NRXN1: variants seen among roughly 807,000 people sequenced by gnomAD.
NRXN1 encodes neurexin-1.
A neutral mutation model predicts 150.9 loss-of-function variants in NRXN1; 39 were observed. The observed-to-expected ratio is 0.26, with a 90% confidence interval of 0.20 to 0.34. The LOEUF (loss-of-function observed/expected upper bound fraction) is 0.34. NRXN1 is among the 10% of genes least tolerant of loss of function. The probability of loss-of-function intolerance (pLI) is 1.00; values close to 1 mark genes in which losing one functional copy is unlikely to be tolerated. For synonymous variants in NRXN1, 924 were observed against 757.0 expected (o/e 1.22, Z -3.62); for missense variants, 1,815 against 1,949.9 (o/e 0.93, Z 1.30).
chr2:50,258,019 C>A (rs1269705443), intron 17 of NRXN1, among the ~76,000 whole-genome samples: 1 of 151,862 alleles, frequency 6.6e-6, no homozygotes, highest in African/African-American at 2.4e-5. Context: ...TACTTTATTG[C>A]TAAATCATCT....
At chr2:50,254,891 C>T (rs763466318) in intron 17 of NRXN1, among the ~76,000 whole-genome samples, 3 of 152,000 alleles carry the variant, frequency 2.0e-5, no homozygotes, top group Admixed American at 6.6e-5. Flanking sequence ...ACTGCAGGCT[C>T]GACCTCCTGA....
At chr2:50,651,439 C>G (rs542547805) in intron 5 of NRXN1, among the ~76,000 whole-genome samples, 41 of 151,796 alleles carry the variant, frequency 2.7e-4, no homozygotes, top group African/African-American at 8.7e-4. Flanking sequence ...ATAGTGAGAC[C>G]TCATCTCTAC....
rs111300624 is a variant in NRXN1 at position 50,368,838 on chromosome 2, G to A, written c.3364+96604C>T. On this transcript the variant is annotated intron_variant, in intron 17 of 22. Transcript: ENST00000401669. ...AGTGGAGTTTCCAGAAAGCAAACGA[G>A]TGGGGGTTTGGAACTAACCTACATT... Among the ~76,000 whole-genome samples the A allele has an allele frequency of 6.6e-4, 100 of 152,114 alleles. 2 individuals are homozygous for A. Among genetic ancestry groups the A allele is most frequent in the African/African-American group, 2.1e-3 (88 of 41,540 alleles).
intron 5 of NRXN1, among the ~76,000 whole-genome samples, chr2:50,650,339 C>T (rs1239505398): frequency 6.6e-6 from 1 of 152,054 alleles, no homozygotes; most frequent in East Asian, 1.9e-4. Flanking sequence ...GATAACACAG[C>T]ACATTGTTTC....
chr2:50,167,164 T>C (rs574914393), intron 18 of NRXN1, among the ~76,000 whole-genome samples: 21 of 152,252 alleles, frequency 1.4e-4, no homozygotes, highest in Admixed American at 2.6e-4. Flanking sequence ...AAAAGAACAC[T>C]GATGAGGAAC....
intron 19 of NRXN1, among the ~76,000 whole-genome samples, chr2:50,067,511 T>C (rs941137534): frequency 2.0e-5 from 3 of 152,186 alleles, no homozygotes; most frequent in African/African-American, 4.8e-5. Context: ...TGGAGTATCA[T>C]ATCAAAAACC....
intron 17 of NRXN1, among the ~76,000 whole-genome samples, chr2:50,259,785 T>C (rs1238695019): frequency 6.6e-6 from 1 of 151,904 alleles, no homozygotes; most frequent in Non-Finnish European, 1.5e-5. Context: ...CACTATACTA[T>C]ATTGTCCCAG....
chr2:50,913,969 T>C (rs1470697924), intron 5 of NRXN1, among the ~76,000 whole-genome samples: 2 of 151,776 alleles, frequency 1.3e-5, no homozygotes, highest in African/African-American at 4.8e-5. Flanking sequence ...TCCTTGGTGA[T>C]TACAGTAATA....
At chr2:50,184,260 A>T (rs1056217810) in intron 18 of NRXN1, among the ~76,000 whole-genome samples, 9 of 152,046 alleles carry the variant, frequency 5.9e-5, no homozygotes, top group African/African-American at 1.9e-4. Flanking sequence ...TAGATCACAC[A>T]TTCCTTAAAT....
chr2:50,629,161 AT>A (rs1174056382), intron 5 of NRXN1, among the ~76,000 whole-genome samples: 1 of 151,758 alleles, frequency 6.6e-6, no homozygotes, highest in Non-Finnish European at 1.5e-5. Context: ...TCAGAATAGC[AT>A]ACTAGAATGT....
intron 2 of NRXN1, among the ~76,000 whole-genome samples, chr2:50,975,970 C>T (rs566033103): frequency 1.2e-4 from 19 of 152,038 alleles, no homozygotes; most frequent in Non-Finnish European, 1.5e-4. Context: ...CTTAGGGACA[C>T]TGTGGCACAA....
intron 18 of NRXN1, among the ~76,000 whole-genome samples, chr2:50,160,604 T>C (rs972545094): frequency 7.9e-5 from 12 of 152,180 alleles, no homozygotes; most frequent in African/African-American, 2.9e-4. Flanking sequence ...CAGAAAAATT[T>C]ATAATAAGAA....
At chr2:50,059,933 C>T (rs1694257502) in intron 19 of NRXN1, among the ~76,000 whole-genome samples, 1 of 152,208 alleles carries the variant, frequency 6.6e-6, no homozygotes, top group African/African-American at 2.4e-5. Context: ...ACAGAACCCT[C>T]ATGGAGAACT....
chr2:50,518,105 A>T (rs2092681014), intron 12 of NRXN1, among the ~76,000 whole-genome samples: 1 of 152,130 alleles, frequency 6.6e-6, no homozygotes. Flanking sequence ...ATATATTTCA[A>T]TGCGAAAAAC....
intron 8 of NRXN1, among the ~76,000 whole-genome samples, chr2:50,588,495 T>C (rs1673540754): frequency 6.6e-6 from 1 of 152,174 alleles, no homozygotes; most frequent in South Asian, 2.1e-4. Flanking sequence ...GAGTGCTGAA[T>C]GTCTGACTCC....
intron 5 of NRXN1, among the ~76,000 whole-genome samples, chr2:50,730,035 G>C (rs936761728): frequency 6.6e-6 from 1 of 152,064 alleles, no homozygotes; most frequent in Non-Finnish European, 1.5e-5. Context: ...CCACTCTCTC[G>C]ACAGATGAGG....
chr2:50,571,557 T>C (rs1278916773), intron 8 of NRXN1, among the ~76,000 whole-genome samples: 1 of 152,140 alleles, frequency 6.6e-6, no homozygotes, highest in Non-Finnish European at 1.5e-5. Context: ...AAGTGTGTAG[T>C]TCTGTTCAGT....
chr2:50,215,991 A>C (rs1199642973), intron 18 of NRXN1, among the ~76,000 whole-genome samples: 1 of 152,088 alleles, frequency 6.6e-6, no homozygotes, highest in African/African-American at 2.4e-5. Context: ...CAAGGAACTA[A>C]ATATGCTTAT....
chr2:50,151,471 T>C lies in NRXN1; in HGVS notation c.3547-59977A>G, dbSNP rs974834120. On this transcript the variant is annotated intron_variant, in intron 18 of 22. Coordinates refer to ENST00000401669, the MANE Select transcript of NRXN1 (RefSeq NM_001330078.2). ...CATGTTTCTTCTCTAATCACCCTAC[T>C]AGATTTTCATAGAGTGTTTAATATG... Among the ~76,000 whole-genome samples the C allele has an allele frequency of 2.0e-5, 3 of 151,744 alleles. No homozygotes were observed. In the South Asian group the frequency reaches 6.2e-4, roughly 31 times the overall value.
Sources: gnomAD v4.1 joint callset for allele counts (sites outside exome capture counted in the v4.1 genomes callset) on GRCh38, gnomAD v4.1.1 for gene constraint, MANE v1.5 for transcripts, NCBI Gene and HGNC (gene_info 2026-07-23, HGNC 2026-07-21) for gene names.